The following EDA variants were observed in gnomAD, a reference collection of about 807,000 sequenced individuals.
The protein encoded by EDA is ectodysplasin-A.
A neutral mutation model predicts 23.6 loss-of-function variants in EDA; 2 were observed. The observed-to-expected ratio is 0.08, with a 90% CI of 0.03 to 0.27. EDA has a LOEUF of 0.27. EDA is among the 10% of genes least tolerant of loss of function. The pLI is 1.00. For synonymous variants in EDA, 131 were observed against 132.0 expected (o/e 0.99, Z 0.05); for missense variants, 229 against 324.2 (o/e 0.71, Z 2.26).
chrX:69,715,156 G>A (rs1309088955), intron 1 of EDA, among the ~76,000 whole-genome samples: 1 of 106,677 alleles, frequency 9.4e-6, no homozygotes, highest in Non-Finnish European at 1.9e-5. Flanking sequence ...TCATGTCACA[G>A]GAGTTTGTTG....
At chrX:69,863,618 T>A (rs1255992651) in intron 1 of EDA, among the ~76,000 whole-genome samples, 1 of 77,029 alleles carries the variant, frequency 1.3e-5, no homozygotes, top group Non-Finnish European at 2.5e-5. Context: ...TGTGTATATA[T>A]GTGTGTATTT....
intron 1 of EDA, among the ~76,000 whole-genome samples, chrX:69,858,393 A>G (rs2017304693): frequency 8.9e-6 from 1 of 111,782 alleles, no homozygotes; most frequent in Admixed American, 9.5e-5. Context: ...ATTTTTAGGT[A>G]TGCTTCTTCA....
At chrX:69,769,396 G>T (rs971804241) in intron 1 of EDA, among the ~76,000 whole-genome samples, 14 of 111,239 alleles carry the variant, frequency 1.3e-4, no homozygotes, top group African/African-American at 4.6e-4. Flanking sequence ...TAACCCATTT[G>T]TGCCTTTATA....
At chrX:69,691,506 T>A (rs1324624324) in intron 1 of EDA, among the ~76,000 whole-genome samples, 1 of 111,924 alleles carries the variant, frequency 8.9e-6, no homozygotes, top group Non-Finnish European at 1.9e-5. Flanking sequence ...TCACTAAAAT[T>A]TAGGCATATA....
At chrX:69,682,767 G>GA (rs1426638151) in intron 1 of EDA, among the ~76,000 whole-genome samples, 1 of 111,243 alleles carries the variant, frequency 9.0e-6, no homozygotes, top group Admixed American at 9.5e-5. Context: ...TGGAAACGCA[G>GA]AAATCACCCA....
At chrX:69,825,661 A>C (rs1319742119) in intron 1 of EDA, among the ~76,000 whole-genome samples, 66 of 113,121 alleles carry the variant, frequency 5.8e-4, no homozygotes, top group Non-Finnish European at 2.4e-4. Flanking sequence ...TCCTGGATTC[A>C]TTAATTTTTT....
intron 1 of EDA, among the ~76,000 whole-genome samples, chrX:69,726,735 T>A (rs1412466883): frequency 9.0e-6 from 1 of 111,357 alleles, no homozygotes; most frequent in Non-Finnish European, 1.9e-5. Flanking sequence ...AACGGGAGAG[T>A]TCCCTGACTC....
intron 1 of EDA, among the ~76,000 whole-genome samples, chrX:69,801,330 G>A (rs1417245018): frequency 9.2e-6 from 1 of 108,742 alleles, no homozygotes; most frequent in Non-Finnish European, 1.9e-5. Flanking sequence ...ACAGGCACAT[G>A]CCATCTTTTT....
chrX:69,712,562 C>G (rs958897519), intron 1 of EDA, among the ~76,000 whole-genome samples: 1 of 111,473 alleles, frequency 9.0e-6, no homozygotes, highest in African/African-American at 3.3e-5. Flanking sequence ...CAGGAAACAA[C>G]AGGCGCTGGA....
intron 1 of EDA, 103 bp downstream of exon 1, chrX:69,616,807 T>A: frequency 2.8e-6 from 3 of 1,080,666 alleles, no homozygotes; most frequent in Non-Finnish European, 3.8e-6. Flanking sequence ...TCGAGCCAAT[T>A]TAGAGGGCAG....
intron 1 of EDA, among the ~76,000 whole-genome samples, chrX:69,740,171 A>G (rs1274035333): frequency 2.7e-5 from 3 of 111,173 alleles, no homozygotes; most frequent in African/African-American, 9.8e-5. Flanking sequence ...TAGTTCAAAG[A>G]AGAAAGAATA....
chrX:69,690,674 CTT>C (rs1934687818), intron 1 of EDA, among the ~76,000 whole-genome samples: 1 of 111,699 alleles, frequency 9.0e-6, no homozygotes, highest in Admixed American at 9.5e-5. Context: ...ATTCCCTCCT[CTT>C]ATATTTCTTG....
At chrX:69,684,035 T>A (rs1182342722) in intron 1 of EDA, among the ~76,000 whole-genome samples, 1 of 112,228 alleles carries the variant, frequency 8.9e-6, no homozygotes, top group East Asian at 2.8e-4. Flanking sequence ...ATCTAGTACA[T>A]CACCTAAGAA....
At chrX:69,796,166 C>T (rs554181478) in intron 1 of EDA, among the ~76,000 whole-genome samples, 4 of 112,190 alleles carry the variant, frequency 3.6e-5, no homozygotes, top group Admixed American at 1.9e-4. Context: ...CCACTGACAT[C>T]GCCTAAGCCA....
intron 2 of EDA, among the ~76,000 whole-genome samples, chrX:69,981,348 T>C (rs1277068933): frequency 8.9e-6 from 1 of 111,848 alleles, no homozygotes; most frequent in Non-Finnish European, 1.9e-5. Context: ...AGAAGAGAAT[T>C]GAGCAGGAAA....
chrX:69,805,260 A>T (rs184910971), intron 1 of EDA, among the ~76,000 whole-genome samples: 2 of 111,850 alleles, frequency 1.8e-5, no homozygotes, highest in African/African-American at 3.2e-5. Context: ...CAGAGTAGTT[A>T]TATATAGTCA....
rs767231204 is a variant in EDA, at chrX:69,838,170, T to C, written c.397-118857T>C. ...CTGAGTGGAACTCTGTTTCATCTAC[T>C]GTAGTAGAGGATCCTGCCTTGCACT... On this transcript the variant is annotated intron_variant, in intron 1 of 7. Coordinates refer to ENST00000374552, the MANE Select transcript of EDA (RefSeq NM_001399.5). 2.7e-5 allele frequency among the ~76,000 whole-genome samples: 3 copies of C among 112,726 alleles called. No homozygotes were observed. The South Asian group carries it at 1.1e-3, about 41-fold the overall frequency.
At chrX:69,970,596 CAT>C (rs1305149715) in intron 2 of EDA, among the ~76,000 whole-genome samples, 1 of 111,289 alleles carries the variant, frequency 9.0e-6, no homozygotes, top group Non-Finnish European at 1.9e-5. Flanking sequence ...CCTAGAAAAA[CAT>C]AAAGTGCTGC....
At chrX:70,008,586 T>G (rs1360615276) in intron 2 of EDA, among the ~76,000 whole-genome samples, 1 of 111,702 alleles carries the variant, frequency 9.0e-6, no homozygotes, top group Non-Finnish European at 1.9e-5. Flanking sequence ...ATTCAAGAGA[T>G]AGCAGTGGTA....
Sources: allele counts gnomAD v4.1 joint callset (sites outside exome capture counted in the v4.1 genomes callset), GRCh38; gene constraint gnomAD v4.1.1; transcripts MANE v1.5; gene names NCBI Gene and HGNC (gene_info 2026-07-23, HGNC 2026-07-21).